The following RNASEH2A variants were observed in gnomAD, a reference collection of about 807,000 sequenced individuals.
RNASEH2A encodes ribonuclease H2 subunit A, also known as RNase H(35).
RNASEH2A carries 30 observed loss-of-function variants against 32.7 expected under a neutral mutation model. That is an observed-to-expected ratio of 0.92 (90% CI 0.69 to 1.25). The LOEUF is 1.25. Ranked by LOEUF, RNASEH2A falls within the 50% of genes most tolerant of loss-of-function variation. The pLI is 0.00. For synonymous variants in RNASEH2A, 147 were observed against 165.4 expected (o/e 0.89, Z 0.86); for missense variants, 409 against 398.1 (o/e 1.03, Z -0.23).
chr19:12,811,474 T>G (rs141965866), intron 6 of RNASEH2A, among the ~76,000 whole-genome samples: 345 of 151,980 alleles, frequency 2.3e-3, no homozygotes, highest in African/African-American at 7.8e-3. Context: ...TAGCCGGTTA[T>G]AGTGGTGCCC....
intron 6 of RNASEH2A, among the ~76,000 whole-genome samples, chr19:12,811,457 A>G (rs7251330): frequency 2.0e-5 from 3 of 151,804 alleles, no homozygotes; most frequent in Non-Finnish European, 2.9e-5. Context: ...TAAAAAATTT[A>G]AAAAATTAGC....
rs773795440 is a variant in RNASEH2A at position 12,807,057 on chromosome 19, T to C, written c.177T>C (p.Asp59=). ...ATTGTCCCCTGCCTCGCCTGGCAGA[T>C]CTGGAGGCGCTGAAAGTGGCAGGTG... ...ICYCPLPRLA[D]LEALKVADSK... The change falls in exon 2 of 8, where the codon GAT becomes GAC. Residue 59 remains aspartate (D), a synonymous_variant. Coordinates refer to ENST00000221486, the MANE Select transcript of RNASEH2A (RefSeq NM_006397.3). The C allele has an allele frequency of 3.1e-6, 5 of 1,614,054 alleles. No individual in the cohort carries two copies. Among genetic ancestry groups the C allele is most frequent in the Non-Finnish European group, 4.2e-6 (5 of 1,180,008 alleles).
At chr19:12,808,936 G>C (rs148451785) in intron 4 of RNASEH2A, among the ~76,000 whole-genome samples, 340 of 152,142 alleles carry the variant, frequency 2.2e-3, no homozygotes, top group African/African-American at 7.7e-3. Flanking sequence ...AAAAGAAGAA[G>C]AAAGAAAGGA....
intron 4 of RNASEH2A, among the ~76,000 whole-genome samples, chr19:12,808,213 T>C (rs1173715370): frequency 6.6e-6 from 1 of 151,960 alleles, no homozygotes; most frequent in Non-Finnish European, 1.5e-5. Context: ...GATCGCGCCA[T>C]TGCACTCCAG....
chr19:12,810,382 T>C lies in RNASEH2A; in HGVS notation c.615T>C (p.Asp205=). The C allele has an allele frequency of 4.3e-6, 7 of 1,614,116 alleles. No individual in the cohort carries two copies. The highest frequency in any genetic ancestry group is 5.9e-6 in the Non-Finnish European group (7 of 1,179,990). ...AGAAACTGCAGGACTTGGATACTGA[T>C]TATGGCTCAGGCTACCCCAATGGTG... is the stretch of plus-strand genomic sequence containing the variant. ...FVEKLQDLDT[D]YGSGYPNDPK... Residue 205 remains aspartate (D), a synonymous_variant, in exon 6 of 8, where the codon GAT becomes GAC. Coordinates refer to ENST00000221486, the MANE Select transcript of RNASEH2A (RefSeq NM_006397.3).
rs771240439 is a variant in RNASEH2A at position 12,810,353 on chromosome 19, G to A, written c.586G>A (p.Val196Met). 2.5e-6 allele frequency: 4 copies of A among 1,614,064 alleles called. No individual in the cohort carries two copies. Among genetic ancestry groups the A allele is most frequent in the African/African-American group, 2.7e-5 (2 of 74,932 alleles). ...RDQAVKKWQF[V>M]EKLQDLDTDY... ...CCAGGCCGTGAAGAAATGGCAGTTC[G>A]TGGAGAAACTGCAGGACTTGGATAC... The change falls in exon 6 of 8, where the codon GTG becomes ATG. Residue 196 changes from valine to methionine, a missense_variant. By Grantham distance (21) the Val-to-Met change is conservative (BLOSUM62 1). Transcript: ENST00000221486.
chr19:12,808,077 C>T (rs1969021353), intron 4 of RNASEH2A: 1 of 167,704 alleles, frequency 6.0e-6, no homozygotes, highest in Admixed American at 5.6e-5. Context: ...ATGGTGAAAC[C>T]TCATCTCTAC....
At chr19:12,807,688 T>C in intron 4 of RNASEH2A, 182 bp downstream of exon 4, 1 of 655,416 alleles carries the variant, frequency 1.5e-6, no homozygotes, top group Non-Finnish European at 2.8e-6. Flanking sequence ...TCGCAGCACT[T>C]TGGGAAGCCG....
intron 6 of RNASEH2A, among the ~76,000 whole-genome samples, chr19:12,811,882 A>G (rs1969077951): frequency 6.6e-6 from 1 of 151,584 alleles, no homozygotes; most frequent in Non-Finnish European, 1.5e-5. Context: ...GCATAATTGC[A>G]CTCCAGCCTG....
chr19:12,811,944 T>TA (rs1969079662), intron 6 of RNASEH2A, among the ~76,000 whole-genome samples: 3 of 150,410 alleles, frequency 2.0e-5, no homozygotes, highest in African/African-American at 7.3e-5. Flanking sequence ...ATAATAATAA[T>TA]ATTTAATGAC....
intron 4 of RNASEH2A, 61 bp downstream of exon 4, chr19:12,807,567 G>A (rs1969013069): frequency 7.2e-7 from 1 of 1,385,260 alleles, no homozygotes; most frequent in African/African-American, 1.4e-5. Flanking sequence ...GACAAAACAG[G>A]AGTTCGAGAC....
rs1388155187 is a variant in RNASEH2A at position 12,813,316 on chromosome 19, T to C, written c.762-12T>C. The C allele has an allele frequency of 6.2e-7, 1 of 1,614,022 alleles. No individual in the cohort carries two copies. The highest frequency in any genetic ancestry group is 2.2e-5 in the East Asian group (1 of 44,868). The stretch of plus-strand genomic sequence containing the variant: ...TGTGTAAGTGGTCACTGTCATCACC[T>C]CTCTCCCACAGGGAGGACTCAGCAT... On this transcript the variant is annotated splice_polypyrimidine_tract_variant and intron_variant, in intron 7 of 7. Coordinates refer to ENST00000221486, the MANE Select transcript of RNASEH2A (RefSeq NM_006397.3).
chr19:12,809,764 CT>C (rs150321714), intron 4 of RNASEH2A, among the ~76,000 whole-genome samples: 2 of 152,008 alleles, frequency 1.3e-5, no homozygotes, highest in Admixed American at 6.6e-5. Flanking sequence ...TGAGTTTTTT[CT>C]TTATTTTATT....
intron 4 of RNASEH2A, among the ~76,000 whole-genome samples, chr19:12,808,408 C>A (rs1969027547): frequency 6.6e-6 from 1 of 152,016 alleles, no homozygotes; most frequent in Non-Finnish European, 1.5e-5. Context: ...CACAGTGTAG[C>A]CCCTAGTCCC....
intron 4 of RNASEH2A, 92 bp from the exon 5 acceptor site, chr19:12,809,979 T>G (rs944482714): frequency 6.6e-6 from 10 of 1,523,256 alleles, no homozygotes; most frequent in Non-Finnish European, 8.2e-6. Flanking sequence ...GAGAAGAGGA[T>G]TCTGGGTAGC....
At chr19:12,809,920 G>C (rs1359355734) in intron 4 of RNASEH2A, 151 bp from the exon 5 acceptor site, 1 of 1,018,246 alleles carries the variant, frequency 9.8e-7, no homozygotes, top group Non-Finnish European at 1.5e-6. Flanking sequence ...GGTCTAGGAG[G>C]AGATGTTCGA....
At chr19:12,810,633 C>A (rs982234222) in intron 6 of RNASEH2A, among the ~76,000 whole-genome samples, 1 of 152,086 alleles carries the variant, frequency 6.6e-6, no homozygotes, top group Non-Finnish European at 1.5e-5. Flanking sequence ...TGGCTTCAAG[C>A]GATTCTCCTG....
intron 6 of RNASEH2A, among the ~76,000 whole-genome samples, chr19:12,811,925 A>G (rs1969079202): frequency 6.6e-6 from 1 of 150,498 alleles, no homozygotes; most frequent in African/African-American, 2.4e-5. Flanking sequence ...CAAAATAATA[A>G]TAATAATAAT....
Position 12,807,423 on chromosome 19 carries a change from A to C in RNASEH2A, c.328A>C (p.Lys110Gln), listed in dbSNP as rs143029477. Residue 110 changes from lysine to glutamine, a missense_variant, in exon 4 of 8, where the codon AAA becomes CAA. Coordinates refer to ENST00000221486, the MANE Select transcript of RNASEH2A (RefSeq NM_006397.3). ...GGGCTCTGTTCCCCACCACAGGGTC[A>C]AATACAACCTGAACTCCCTGTCACA... The part of the protein sequence containing the change: ...LISTSMLGRV[K>Q]YNLNSLSHDT... The C allele has an allele frequency of 1.1e-4, 173 of 1,614,212 alleles. 1 individual carries two copies. In the African/African-American group the frequency reaches 2.1e-3, roughly 19 times the overall value.
Sources: allele counts gnomAD v4.1 joint callset (sites outside exome capture counted in the v4.1 genomes callset), GRCh38; gene constraint gnomAD v4.1.1; transcripts MANE v1.5; gene names NCBI Gene and HGNC (gene_info 2026-07-23, HGNC 2026-07-21).